The following FAT3 variants were observed in gnomAD, a reference collection of about 807,000 sequenced individuals.
FAT3 encodes the protein FAT atypical cadherin 3.
A neutral mutation model predicts 310.2 loss-of-function variants in FAT3; 95 were observed. That is an observed-to-expected ratio of 0.31 (90% CI 0.26 to 0.36). The LOEUF (loss-of-function observed/expected upper bound fraction) is 0.36, where lower values mean the gene tolerates loss of function less well. FAT3 is among the 10% of genes least tolerant of loss of function. The probability of loss-of-function intolerance (pLI) is 1.00; values close to 1 mark genes in which losing one functional copy is unlikely to be tolerated. For missense variants in FAT3, 5,408 were observed against 5,715.6 expected, an observed-to-expected ratio of 0.95 and a Z score of 1.74; for synonymous variants, 2,314 against 2,192.9, an observed-to-expected ratio of 1.06 and a Z score of -1.54.
chr11:92,867,359 A>G, intron 22 of FAT3, 150 bp downstream of exon 22: 1 of 885,844 alleles, frequency 1.1e-6, no homozygotes, highest in Non-Finnish European at 1.7e-6. Context: ...AATCTGCTTT[A>G]GGGAAGTCTC....
chr11:92,437,056 A>G (rs2135056432), intron 2 of FAT3, among the ~76,000 whole-genome samples: 1 of 152,302 alleles, frequency 6.6e-6, no homozygotes, highest in South Asian at 2.1e-4. Flanking sequence ...AATAGCAATG[A>G]CATTTATTCA....
intron 4 of FAT3, among the ~76,000 whole-genome samples, chr11:92,742,748 A>G (rs1945543658): frequency 6.6e-6 from 1 of 152,230 alleles, no homozygotes; most frequent in Non-Finnish European, 1.5e-5. Context: ...CCCAGGCTCC[A>G]GAACTGTGAG....
chr11:92,826,450 T>A (rs10160748), intron 13 of FAT3, among the ~76,000 whole-genome samples: 2 of 152,120 alleles, frequency 1.3e-5, no homozygotes, highest in African/African-American at 2.4e-5. Flanking sequence ...AGCATGGGAT[T>A]GAGAAACTAA....
Position 92,620,038 on chromosome 11 carries a change from A to G in FAT3, c.3608-77346A>G, listed in dbSNP as rs532005275. On this transcript the variant is annotated intron_variant, in intron 3 of 27. Transcript: ENST00000525166. Reference sequence around the variant, plus strand: ...ATCTCATAAGTTGTGGGGTACATCTATGTTATGCTTTTATTTTCATTTATT... The same window carrying G: ...ATCTCATAAGTTGTGGGGTACATCTGTGTTATGCTTTTATTTTCATTTATT... Among the ~76,000 whole-genome samples, 135 of 152,196 alleles carry G rather than the reference A, an allele frequency of 8.9e-4. 1 individual carries two copies. Among genetic ancestry groups the G allele is most frequent in the African/African-American group, 2.9e-3 (119 of 41,548 alleles).
rs1180753071 is a variant in FAT3 at position 92,801,800 on chromosome 11, C to T, written c.8787C>T (p.Tyr2929=). The T allele has an allele frequency of 6.2e-7, 1 of 1,613,890 alleles. No individual in the cohort carries two copies. The highest frequency in any genetic ancestry group is 8.5e-7 in the Non-Finnish European group (1 of 1,179,860). ...CACCAGTCTTCGCGCAGGAAGTGTA[C>T]CGAGGGAATGTGAAGGAGAGCGACC... The part of the protein sequence containing the change: ...DNAPVFAQEV[Y]RGNVKESDPP... Residue 2929 remains tyrosine (Y), a synonymous_variant, in exon 10 of 28, where the codon TAC becomes TAT. Coordinates refer to ENST00000525166, the MANE Select transcript of FAT3 (RefSeq NM_001367949.2).
At chr11:92,755,590 C>T (rs546150313) in intron 4 of FAT3, among the ~76,000 whole-genome samples, 1 of 152,256 alleles carries the variant, frequency 6.6e-6, no homozygotes, top group Non-Finnish European at 1.5e-5. Flanking sequence ...CGTTAATTAA[C>T]CTGTTTTAGC....
intron 3 of FAT3, among the ~76,000 whole-genome samples, chr11:92,533,373 G>T (rs528127985): frequency 4.6e-5 from 7 of 152,088 alleles, no homozygotes; most frequent in Non-Finnish European, 7.3e-5. Flanking sequence ...GGATTTTGAA[G>T]CCTTGGGCTA....
In FAT3 at chr11:92,831,661, C is replaced by T. The variant is rs1379935680; in HGVS notation, c.9521C>T (p.Ala3174Val). 6.2e-7 allele frequency: 1 copy of T among 1,613,236 alleles called. No homozygotes were observed. The change falls in exon 14 of 28, where the codon GCT becomes GTT. Residue 3174 changes from alanine to valine, a missense_variant. By Grantham distance (64) the Ala-to-Val change is moderately conservative. Around this residue, in one of 5 missense-constraint regions of FAT3, gnomAD observed 4,588 missense variants for 4,809.8 expected, o/e 0.95. Coordinates refer to ENST00000525166, the MANE Select transcript of FAT3 (RefSeq NM_001367949.2). ...GTCGTGTACTCCCTGGCAGACTCAGCTGGTGGGGTCTTCTCCATTGACAGC... is the reference window on the plus strand; with the variant it reads ...GTCGTGTACTCCCTGGCAGACTCAGTTGGTGGGGTCTTCTCCATTGACAGC... Reference protein sequence around the residue: ...RKVVYSLADSAGGVFSIDSSS... With the variant: ...RKVVYSLADSVGGVFSIDSSS...
At chr11:92,439,134 G>A (rs1003371192) in intron 2 of FAT3, among the ~76,000 whole-genome samples, 6 of 152,056 alleles carry the variant, frequency 3.9e-5, no homozygotes, top group Admixed American at 3.9e-4. Context: ...GTGTATTATT[G>A]GATTCTCTGA....
Position 92,792,763 on chromosome 11 carries a change from A to T in FAT3, c.4612-4A>T. 6.2e-7 allele frequency: 1 copy of T among 1,613,248 alleles called. No individual in the cohort carries two copies. The highest frequency in any genetic ancestry group is 1.1e-5 in the South Asian group (1 of 90,992). Reference sequence around the variant, plus strand: ...TCCCACCACTTCTTGTATTTTGCCTAAAGGTCAGAGATCAGGAGTTTCCTT... The same window carrying T: ...TCCCACCACTTCTTGTATTTTGCCTTAAGGTCAGAGATCAGGAGTTTCCTT... On this transcript the variant is annotated splice_region_variant and splice_polypyrimidine_tract_variant and intron_variant, in intron 8 of 27. Transcript: ENST00000525166.
At chr11:92,312,091 A>C (rs932272397) in intron 1 of FAT3, among the ~76,000 whole-genome samples, 1 of 152,216 alleles carries the variant, frequency 6.6e-6, no homozygotes, top group Non-Finnish European at 1.5e-5. Flanking sequence ...TATCCCTTAC[A>C]TAAAGCATAA....
rs1258493776 is a variant in FAT3 at position 92,442,109 on chromosome 11, A to AT, written c.3293-82524dup. 4.6e-4 allele frequency among the ~76,000 whole-genome samples: 23 copies of AT among 50,084 alleles called. No homozygotes were observed. In the South Asian group the frequency reaches 5.3e-3, roughly 12 times the overall value. 32.9% of individuals were successfully genotyped at this position (50,084 alleles called of 152,430 possible). A position where few individuals can be genotyped will look rare whatever the true frequency, so the allele number is the denominator to read the frequency against. ...TATATATATATATATATATATATAT[A>AT]TATTTTTTTTTTTTTTTTTTTTGAG... On this transcript the variant is annotated intron_variant, in intron 2 of 27. Transcript: ENST00000525166.
chr11:92,798,292 T>C lies in FAT3; in HGVS notation c.5279T>C (p.Val1760Ala), dbSNP rs1947231184. 1.9e-6 allele frequency: 3 copies of C among 1,613,722 alleles called. No individual in the cohort carries two copies. Among genetic ancestry groups the C allele is most frequent in the Non-Finnish European group, 2.5e-6 (3 of 1,179,866 alleles). ...ASNATVNIQI[V>A]DENDNAPVFL... ...AATGCTACAGTCAATATTCAGATTG[T>C]TGATGAAAATGATAATGCCCCAGTT... is the stretch of plus-strand genomic sequence containing the variant. The change falls in exon 10 of 28, where the codon GTT (valine) becomes GCT (alanine). Residue 1760 changes from valine to alanine, a missense_variant. Physicochemically the swap from Val to Ala is moderately conservative, Grantham distance 64. This residue lies in a region of FAT3 where 4,588 missense variants were observed against 4,809.8 expected (regional missense o/e 0.95). Transcript: ENST00000525166.
At chr11:92,725,011 C>T (rs543366052) in intron 4 of FAT3, among the ~76,000 whole-genome samples, 13 of 152,170 alleles carry the variant, frequency 8.5e-5, no homozygotes, top group African/African-American at 2.9e-4. Flanking sequence ...CCAAAATATT[C>T]ACCTGAATAC....
chr11:92,863,324 T>A (rs907522090), intron 21 of FAT3, among the ~76,000 whole-genome samples: 1 of 152,204 alleles, frequency 6.6e-6, no homozygotes, highest in Admixed American at 6.5e-5. Context: ...ATGATTATTA[T>A]GCATTTGCTA....
intron 4 of FAT3, among the ~76,000 whole-genome samples, chr11:92,729,684 C>G (rs1432227428): frequency 3.9e-5 from 6 of 152,014 alleles, no homozygotes; most frequent in Admixed American, 1.3e-4. Flanking sequence ...CTCGGCCTCC[C>G]AAAGTGCTGG....
intron 3 of FAT3, among the ~76,000 whole-genome samples, chr11:92,526,784 T>C (rs1385375133): frequency 6.6e-6 from 1 of 152,222 alleles, no homozygotes; most frequent in Non-Finnish European, 1.5e-5. Flanking sequence ...CTTCTTGCCA[T>C]AGATTTTTAA....
chr11:92,297,867 A>C (rs537110217), intron 1 of FAT3, among the ~76,000 whole-genome samples: 36 of 152,224 alleles, frequency 2.4e-4, no homozygotes, highest in African/African-American at 8.4e-4. Context: ...AATTGTCCAC[A>C]ATCTGTGGCA....
At chr11:92,889,484 C>T (rs1949867912) in intron 26 of FAT3, among the ~76,000 whole-genome samples, 1 of 151,678 alleles carries the variant, frequency 6.6e-6, no homozygotes, top group South Asian at 2.1e-4. Flanking sequence ...GAAAAGAGCA[C>T]CCAATTAGTT....
Sources: gnomAD v4.1 joint callset for allele counts (sites outside exome capture counted in the v4.1 genomes callset) on GRCh38, gnomAD v4.1.1 for gene constraint, gnomAD v4.1.1 regional missense constraint, MANE v1.5 for transcripts, NCBI Gene and HGNC (gene_info 2026-07-23, HGNC 2026-07-21) for gene names.